Variants in EEF2 observed in about 807,000 individuals in gnomAD.
EEF2 encodes elongation factor 2.
EEF2 carries 21 observed loss-of-function variants against 85.3 expected under a neutral mutation model. That is an observed-to-expected ratio of 0.25 (90% confidence interval 0.17 to 0.35). The LOEUF (loss-of-function observed/expected upper bound fraction) is 0.35. Ranked by LOEUF, EEF2 falls within the 10% of genes least tolerant of loss-of-function variation. EEF2 has a pLI of 1.00. For missense variants in EEF2, 825 were observed against 1,225.3 expected (o/e 0.67, Z 4.88); for synonymous variants, 723 against 508.8 (o/e 1.42, Z -5.67).
rs781779965 is a variant in EEF2, at chr19:3,982,043, G to A, written c.801C>T (p.Asp267=). Residue 267 remains aspartate, a synonymous_variant, in exon 6 of 15, where the codon GAC becomes GAT. Transcript: ENST00000309311. ...MKKLWGDRYF[D]PANGKFSKSA... is the part of the protein sequence containing the mutation. ...ACTTGCTGAACTTGCCGTTGGCTGGGTCAAAGTACCTGGCAAGGAGAGGCC... is the reference window on the plus strand; with the variant it reads ...ACTTGCTGAACTTGCCGTTGGCTGGATCAAAGTACCTGGCAAGGAGAGGCC... 8.7e-6 allele frequency: 14 copies of A among 1,614,042 alleles called. No homozygotes were observed. The Admixed American group carries it at 1.5e-4, about 17-fold the overall frequency.
In EEF2 at chr19:3,981,442, G is replaced by T. The variant is rs763395759; in HGVS notation, c.908C>A (p.Ala303Glu). The change falls in exon 7 of 15, where the codon GCG (alanine) becomes GAG (glutamate). Residue 303 changes from alanine to glutamate, a missense_variant. By Grantham distance (107) the Ala-to-Glu change is moderately radical (BLOSUM62 -1). Transcript: ENST00000309311. ...CTCCTCTTTCTTGAAATTCATGATC[G>T]CATCAAACACCTACATTCCCCACCA... ...ILDPIFKVFDAIMNFKKEETA... is the reference protein window; with the variant it reads ...ILDPIFKVFDEIMNFKKEETA... 6.2e-7 allele frequency: 1 copy of T among 1,613,686 alleles called. No individual in the cohort carries two copies. The highest frequency in any genetic ancestry group is 8.5e-7 in the Non-Finnish European group (1 of 1,179,804).
chr19:3,984,783 G>T, intron 1 of EEF2: 1 of 196,874 alleles, frequency 5.1e-6, no homozygotes, highest in African/African-American at 2.3e-5. Context: ...GATCAGACAA[G>T]GCCACCCACC....
rs764307072 is a variant in EEF2, at chr19:3,977,464, T to C, written c.2214A>G (p.Pro738=). ...CLYASVLTAQ[P]RLMEPIYLVE... ...CAAGGTAGATGGGCTCCATGAGGCG[T>C]GGCTGGGCGGTCAGCACACTGGCAT... Residue 738 remains proline, a synonymous_variant, in exon 13 of 15, where the codon CCA becomes CCG. Coordinates refer to ENST00000309311, the MANE Select transcript of EEF2 (RefSeq NM_001961.4). This position sits in a 1 kb window ranked among gnomAD's most constrained non-coding sequence, Gnocchi z 5.4. 6 of 1,582,592 alleles carry C rather than the reference T, an allele frequency of 3.8e-6. No individual in the cohort carries two copies. The highest frequency in any genetic ancestry group is 2.3e-5 in the East Asian group (1 of 44,344).
chr19:3,979,739 G>A (rs2039722231), intron 10 of EEF2, 69 bp downstream of exon 10: 1 of 1,561,880 alleles, frequency 6.4e-7, no homozygotes, highest in Non-Finnish European at 8.7e-7. Flanking sequence ...AACCCACACA[G>A]CCACAACTCA....
At position 3,980,854 on chromosome 19, in the gene EEF2, G is replaced by A. The variant is rs140573073; in HGVS notation, c.1137C>T (p.Asp379=). ...GGGACCACGTACCCATGGCAGCCTC[G>A]TCGTCCGGGGGCCCCTCGTACAGGA... ...CELLYEGPPD[D]EAAMGIKSCD... is the part of the protein sequence containing the mutation. The change falls in exon 8 of 15, where the codon GAC becomes GAT. Residue 379 remains aspartate, a synonymous_variant. Coordinates refer to ENST00000309311, the MANE Select transcript of EEF2 (RefSeq NM_001961.4). 879 of 1,565,288 alleles carry A rather than the reference G, an allele frequency of 5.6e-4. 3 individuals are homozygous for A. The African/African-American group carries it at 0.011, about 20-fold the overall frequency.
At position 3,983,114 on chromosome 19, in the gene EEF2, C is replaced by T; in HGVS notation, c.396G>A (p.Val132=). The T allele has an allele frequency of 6.2e-7, 1 of 1,613,848 alleles. No individual in the cohort carries two copies. Among genetic ancestry groups the T allele is most frequent in the Non-Finnish European group, 8.5e-7 (1 of 1,179,846 alleles). ...TCAGGGGGACCCACTGCTTACCTGACACGCAGTCCACCACCACCAATGCGC... is the reference window on the plus strand; with the variant it reads ...TCAGGGGGACCCACTGCTTACCTGATACGCAGTCCACCACCACCAATGCGC... ...TDGALVVVDC[V]SGVCVQTETV... The change falls in exon 3 of 15, where the codon GTG becomes GTA. Residue 132 remains valine, a synonymous_variant. Coordinates refer to ENST00000309311, the MANE Select transcript of EEF2 (RefSeq NM_001961.4).
Position 3,976,673 on chromosome 19 carries a change from G to C in EEF2, c.2458C>G (p.Leu820Val). ...CTGTTGTCGAAGGGGTCTCCGGGCA[G>C]GATCTGCCAGTGGTCAAACACACAC... ...PQCVFDHWQI[L>V]PGDPFDNSSR... The change falls in exon 15 of 15, where the codon CTG becomes GTG. Residue 820 changes from leucine (L) to valine (V), a missense_variant. Physicochemically the swap from Leu to Val is conservative, Grantham distance 32. Coordinates refer to ENST00000309311, the MANE Select transcript of EEF2 (RefSeq NM_001961.4). 1 of 1,608,754 alleles carries C rather than the reference G, an allele frequency of 6.2e-7. No homozygotes were observed. Among genetic ancestry groups the C allele is most frequent in the Non-Finnish European group, 8.5e-7 (1 of 1,178,670 alleles).
Position 3,980,990 on chromosome 19 carries a change from A to G in EEF2, c.1012-11T>C. On this transcript the variant is annotated splice_polypyrimidine_tract_variant and intron_variant, in intron 7 of 14. Transcript: ENST00000309311. ...GCGGCGCATCACAGCCTGCGGGGGC[A>G]GAGAGCGGTGCATGAGACACCTGGG... 1 of 1,566,276 alleles carries G rather than the reference A, an allele frequency of 6.4e-7. No individual in the cohort carries two copies. Among genetic ancestry groups the G allele is most frequent in the Non-Finnish European group, 8.6e-7 (1 of 1,157,436 alleles).
chr19:3,976,508 G>C lies in EEF2; in HGVS notation c.*46C>G, dbSNP rs370668605. ...TGAGAATTCGAGGACGTGGTGCTGT[G>C]GGTGCTGCGAGTCCCCGGGGCGGCA... On this transcript the variant is annotated 3_prime_UTR_variant, in exon 15 of 15. Transcript: ENST00000309311. 4 of 1,558,246 alleles carry C rather than the reference G, an allele frequency of 2.6e-6. No homozygotes were observed. The highest frequency in any genetic ancestry group is 2.7e-5 in the African/African-American group (2 of 73,450).
Position 3,977,493 on chromosome 19 carries a change from G to T in EEF2, c.2185C>A (p.Leu729Ile). The change falls in exon 13 of 15, where the codon CTC (leucine) becomes ATC (isoleucine). Residue 729 changes from leucine (L) to isoleucine (I), a missense_variant. Leu to Ile is a conservative substitution (Grantham distance 5). Coordinates refer to ENST00000309311, the MANE Select transcript of EEF2 (RefSeq NM_001961.4). The surrounding 1 kb of genome is among the most constrained non-coding windows in gnomAD (Gnocchi z 5.4). Reference protein sequence around the residue: ...GQIIPTARRCLYASVLTAQPR... With the variant: ...GQIIPTARRCIYASVLTAQPR... ...TGGGCGGTCAGCACACTGGCATAGA[G>T]GCAGCGCCGTGCTGTGGGGATGATC... is the stretch of plus-strand genomic sequence containing the variant. The T allele has an allele frequency of 6.3e-7, 1 of 1,589,952 alleles. No homozygotes were observed.
At chr19:3,979,223 C>A (rs1181648393) in intron 11 of EEF2, 106 bp downstream of exon 11, 8 of 830,298 alleles carry the variant, frequency 9.6e-6, no homozygotes, top group Non-Finnish European at 1.6e-5. Flanking sequence ...GAGACCAAGA[C>A]CGAGATCAAG....
Position 3,983,168 on chromosome 19 carries a change from C to T in EEF2, c.342G>A (p.Glu114=), listed in dbSNP as rs1449148585. The part of the protein sequence containing the change: ...DSPGHVDFSS[E]VTAALRVTDG... ...CGGTGACTCGGAGGGCAGCAGTCAC[C>T]TCCGAGGAGAAGTCGACATGCCCGG... The change falls in exon 3 of 15, where the codon GAG becomes GAA. Residue 114 remains glutamate (E), a synonymous_variant. Transcript: ENST00000309311. 13 of 1,614,012 alleles carry T rather than the reference C, an allele frequency of 8.1e-6. No individual in the cohort carries two copies. The highest frequency in any genetic ancestry group is 1.0e-5 in the Non-Finnish European group (12 of 1,180,030).
rs776792190 is a variant in EEF2 at position 3,977,313 on chromosome 19, A to G, written c.2285T>C (p.Val762Ala). Residue 762 changes from valine to alanine, a missense_variant, in exon 14 of 15, where the codon GTT (valine) becomes GCT (alanine). Val to Ala is a moderately conservative substitution (Grantham distance 64). Transcript: ENST00000309311. The surrounding 1 kb of genome is among the most constrained non-coding windows in gnomAD (Gnocchi z 5.4). ...PEQVVGGIYG[V>A]LNRKRGHVFE... ...CACGTGGCCCCGCTTCCTGTTCAAAACCCCGTAGATGCCACCGACCACCTG... is the reference window on the plus strand; with the variant it reads ...CACGTGGCCCCGCTTCCTGTTCAAAGCCCCGTAGATGCCACCGACCACCTG... 3.3e-5 allele frequency: 53 copies of G among 1,600,010 alleles called. No homozygotes were observed. The highest frequency in any genetic ancestry group is 4.0e-5 in the African/African-American group (3 of 74,470).
chr19:3,984,746 A>C, intron 1 of EEF2: 1 of 218,496 alleles, frequency 4.6e-6, no homozygotes, highest in Non-Finnish European at 9.3e-6. Flanking sequence ...TTCATCATAA[A>C]ATGCAAGGTC....
intron 2 of EEF2, among the ~76,000 whole-genome samples, 156 bp from the exon 3 acceptor site, chr19:3,983,447 C>T (rs572378578): frequency 2.6e-5 from 4 of 151,972 alleles, no homozygotes; most frequent in African/African-American, 9.7e-5. Context: ...TGCCTCTGTC[C>T]GAGACATGCC....
intron 11 of EEF2, among the ~76,000 whole-genome samples, chr19:3,978,434 G>A (rs1227441065): frequency 1.3e-5 from 2 of 152,144 alleles, no homozygotes; most frequent in Admixed American, 6.6e-5. Flanking sequence ...AAGAAACGAG[G>A]TCTGGAGCAG....
rs373355461 is a variant in EEF2, at chr19:3,980,086, G to A, written c.1347-20C>T. 55 of 1,605,218 alleles carry A rather than the reference G, an allele frequency of 3.4e-5. No individual in the cohort carries two copies. Among genetic ancestry groups the A allele is most frequent in the Non-Finnish European group, 4.6e-5 (54 of 1,176,224 alleles). ...ATTGTTCTGGAAGAAGCAGAAGGCG[G>A]CAGCAGGCCGCAGGGATGGTTGTGC... On this transcript the variant is annotated intron_variant, in intron 9 of 14. Transcript: ENST00000309311.
In EEF2 at chr19:3,976,594, T is replaced by G. The variant is rs775292443; in HGVS notation, c.2537A>C (p.Glu846Ala). The change falls in exon 15 of 15, where the codon GAA (glutamate) becomes GCA (alanine). Residue 846 changes from glutamate to alanine, a missense_variant. By Grantham distance (107) the Glu-to-Ala change is moderately radical (BLOSUM62 -1). Coordinates refer to ENST00000309311, the MANE Select transcript of EEF2 (RefSeq NM_001961.4). ...GAAGTTGTCCAGGGCAGGGATGCCT[T>G]CTTTCAGGCCCTTGCGCTTGCGGGT... The part of the protein sequence containing the change: ...AETRKRKGLK[E>A]GIPALDNFLD... 12 of 1,610,794 alleles carry G rather than the reference T, an allele frequency of 7.4e-6. No individual in the cohort carries two copies. Among genetic ancestry groups the G allele is most frequent in the Non-Finnish European group, 8.5e-6 (10 of 1,178,752 alleles).
At chr19:3,982,518 G>A (rs753010166) in intron 4 of EEF2, 94 bp from the exon 5 acceptor site, 17 of 1,490,064 alleles carry the variant, frequency 1.1e-5, no homozygotes, top group South Asian at 2.3e-5. Context: ...CTCAGACGCA[G>A]GCTTTCTTCA....
Sources: gnomAD v4.1 joint callset for allele counts (sites outside exome capture counted in the v4.1 genomes callset) on GRCh38, gnomAD v4.1.1 for gene constraint, Gnocchi (gnomAD v3.1) non-coding constraint, MANE v1.5 for transcripts, NCBI Gene and HGNC (gene_info 2026-07-23, HGNC 2026-07-21) for gene names.